Variants in RO60 observed in about 807,000 individuals in gnomAD.
RO60 encodes Ro60, Y RNA binding protein, also known as RNA-binding protein RO60.
A neutral mutation model predicts 55.3 loss-of-function variants in RO60; 20 were observed. That is an observed-to-expected ratio of 0.36 (90% CI 0.25 to 0.53). RO60 has a LOEUF of 0.53. Ranked by LOEUF, RO60 falls within the 20% of genes least tolerant of loss-of-function variation. RO60 has a pLI of 0.92. For synonymous variants in RO60, 213 were observed against 213.6 expected (o/e 1.00, Z 0.02); for missense variants, 558 against 646.6 (o/e 0.86, Z 1.49).
intron 1 of RO60, among the ~76,000 whole-genome samples, chr1:193,065,184 A>G (rs976362086): frequency 1.3e-5 from 2 of 152,240 alleles, no homozygotes; most frequent in African/African-American, 2.4e-5. Flanking sequence ...GTCAACTTTA[A>G]TGATATTTGG....
rs1041668920 is a variant in RO60 at position 193,084,949 on chromosome 1, T to C, written c.*218T>C. On this transcript the variant is annotated 3_prime_UTR_variant, in exon 9 of 9. Transcript: ENST00000400968. ...TCTTGGGGAAATAGCTTCAGGATAC[T>C]GTAGTTTCCTCTATCTAATAGAGAA... The C allele has an allele frequency of 2.6e-6, 4 of 1,535,376 alleles. No individual in the cohort carries two copies. The highest frequency in any genetic ancestry group is 3.5e-6 in the Non-Finnish European group (4 of 1,142,636).
At chr1:193,072,959 A>C (rs563755907) in intron 2 of RO60, among the ~76,000 whole-genome samples, 15 of 152,346 alleles carry the variant, frequency 9.8e-5, no homozygotes, top group African/African-American at 3.1e-4. Context: ...GAGAATCCCT[A>C]GCATTTCAAA....
chr1:193,080,826 A>AGTCTC (rs1491111818), intron 5 of RO60, among the ~76,000 whole-genome samples: 1 of 152,224 alleles, frequency 6.6e-6, no homozygotes, highest in Non-Finnish European at 1.5e-5. Flanking sequence ...TTATAGAGAC[A>AGTCTC]GAAAGTGGAA....
At chr1:193,068,402 TAAAG>T (rs1673260247) in intron 1 of RO60, among the ~76,000 whole-genome samples, 1 of 152,218 alleles carries the variant, frequency 6.6e-6, no homozygotes, top group East Asian at 1.9e-4. Flanking sequence ...CTTAGAGCAA[TAAAG>T]ATCCATCCCT....
At chr1:193,091,673 TA>T (rs1161443319), downstream of RO60, 5 of 1,612,092 alleles carry the variant, frequency 3.1e-6, 1 homozygote, top group South Asian at 5.5e-5. Flanking sequence ...CCCTACTAAA[TA>T]AATCATTTTA....
intron 1 of RO60, among the ~76,000 whole-genome samples, chr1:193,063,146 G>A (rs80008660): frequency 0.013 from 1,922 of 152,268 alleles, 40 homozygotes; most frequent in African/African-American, 0.043. Context: ...CCCACCAGCA[G>A]TATATGAGCG....
At position 193,091,035 on chromosome 1, in the gene RO60, G is replaced by T. The variant is rs1166834355; in HGVS notation, c.*6304G>T. 6.6e-6 allele frequency: 1 copy of T among 152,154 alleles called. No homozygotes were observed. Among genetic ancestry groups the T allele is most frequent in the Non-Finnish European group, 1.5e-5 (1 of 68,016 alleles). The allele number at this position is 152,154 out of a possible 1,614,324, so 9.4% of individuals were successfully genotyped here. On this transcript the variant is annotated 3_prime_UTR_variant, in exon 9 of 9. Transcript: ENST00000400968. Reference sequence around the variant, plus strand: ...CAGTAATATTTTATGATAGTTTAAGGTTTTTTATTGTTTTCTATAACAAGT... The same window carrying T: ...CAGTAATATTTTATGATAGTTTAAGTTTTTTTATTGTTTTCTATAACAAGT...
downstream of RO60, chr1:193,091,614 T>G (rs1443178951): frequency 3.2e-6 from 5 of 1,570,984 alleles, no homozygotes; most frequent in Admixed American, 3.4e-5. Flanking sequence ...TAAAACAGTT[T>G]TCACTGATAC....
rs1300694306 is a variant in RO60 at position 193,069,543 on chromosome 1, C to T, written c.489C>T (p.Ala163=). 3.1e-6 allele frequency: 5 copies of T among 1,614,108 alleles called. No individual in the cohort carries two copies. In the East Asian group the frequency reaches 6.7e-5, roughly 22 times the overall value. Residue 163 remains alanine, a synonymous_variant, in exon 2 of 9, where the codon GCC becomes GCT. Coordinates refer to ENST00000400968, the MANE Select transcript of RO60 (RefSeq NM_001173524.2). ...ADWYNEKGGM[A]LALAVTKYKQ... ...GGTACAATGAGAAAGGTGGCATGGC[C>T]CTTGCTCTGGCAGTTACAAAATATA...
intron 1 of RO60, chr1:193,060,232 T>G: frequency 3.1e-6 from 2 of 654,030 alleles, no homozygotes; most frequent in Non-Finnish European, 4.4e-6. Context: ...GGTTTGTCCA[T>G]GGGGCTGCTA....
At chr1:193,081,727 AT>A (rs1359200900) in intron 6 of RO60, among the ~76,000 whole-genome samples, 2 of 152,118 alleles carry the variant, frequency 1.3e-5, no homozygotes, top group East Asian at 1.9e-4. Context: ...ATATTAATGG[AT>A]TTTTTAGGAA....
rs754222477 is a variant in RO60 at position 193,075,955 on chromosome 1, G to A, written c.716G>A (p.Arg239Lys). The change falls in exon 3 of 9, where the codon AGA becomes AAA. Residue 239 changes from arginine (R) to lysine (K), a missense_variant. Physicochemically the swap from Arg to Lys is conservative, Grantham distance 26. Coordinates refer to ENST00000400968, the MANE Select transcript of RO60 (RefSeq NM_001173524.2). ...LEAVEKVKRT[R>K]DELEVIHLIE... The stretch of plus-strand genomic sequence containing the variant: ...GCTGTAGAGAAAGTGAAGCGCACAA[G>A]AGATGAGCTAGAAGTCATTCATCTA... The A allele has an allele frequency of 1.2e-6, 2 of 1,613,334 alleles. No homozygotes were observed. The highest frequency in any genetic ancestry group is 1.7e-6 in the Non-Finnish European group (2 of 1,179,588).
chr1:193,075,807 T>C lies in RO60; in HGVS notation c.581-13T>C. ...AATCCTGCATGCTTTTTCAATTCTT[T>C]ATCTTGTTAAAGGACTTGCAATTGT... On this transcript the variant is annotated splice_polypyrimidine_tract_variant and intron_variant, in intron 2 of 8. Transcript: ENST00000400968. 6.4e-7 allele frequency: 1 copy of C among 1,571,728 alleles called. No homozygotes were observed. Among genetic ancestry groups the C allele is most frequent in the South Asian group, 1.2e-5 (1 of 85,028 alleles).
intron 5 of RO60, among the ~76,000 whole-genome samples, chr1:193,080,893 G>A (rs953020296): frequency 1.3e-5 from 2 of 152,136 alleles, no homozygotes; most frequent in Admixed American, 6.5e-5. Flanking sequence ...TACCTAATTG[G>A]TACAAGTTCT....
In RO60 at chr1:193,059,853, T is replaced by G; in HGVS notation, c.-22+77T>G. On this transcript the variant is annotated intron_variant, in intron 1 of 8. Transcript: ENST00000400968. The surrounding 1 kb of genome is among the most constrained non-coding windows in gnomAD (Gnocchi z 4.9). ...CGCGCAAATTCTGACCAGTCCTCCATGTCTCTCACCCGCATCCCAGGGGTT... is the reference window on the plus strand; with the variant it reads ...CGCGCAAATTCTGACCAGTCCTCCAGGTCTCTCACCCGCATCCCAGGGGTT... 7.3e-7 allele frequency: 1 copy of G among 1,363,300 alleles called. No homozygotes were observed. The highest frequency in any genetic ancestry group is 1.1e-5 in the South Asian group (1 of 87,328). 84.5% of individuals were successfully genotyped at this position (1,363,300 alleles called of 1,614,324 possible).
At chr1:193,063,059 C>T (rs941007009) in intron 1 of RO60, among the ~76,000 whole-genome samples, 4 of 152,180 alleles carry the variant, frequency 2.6e-5, no homozygotes, top group African/African-American at 7.2e-5. Flanking sequence ...TAGAATTCCT[C>T]GGTCATATGC....
intron 2 of RO60, among the ~76,000 whole-genome samples, chr1:193,071,864 A>G (rs1462351829): frequency 2.0e-5 from 3 of 148,938 alleles, no homozygotes; most frequent in Non-Finnish European, 3.0e-5. Context: ...AATTATATGT[A>G]TGTATATATA....
At position 193,085,092 on chromosome 1, in the gene RO60, G is replaced by A. The variant is rs1031506154; in HGVS notation, c.*361G>A. The A allele has an allele frequency of 1.4e-6, 2 of 1,472,210 alleles. No individual in the cohort carries two copies. Among genetic ancestry groups the A allele is most frequent in the African/African-American group, 1.4e-5 (1 of 70,786 alleles). The allele number at this position is 1,472,210 out of a possible 1,614,324, so 91.2% of individuals were successfully genotyped here. On this transcript the variant is annotated 3_prime_UTR_variant, in exon 9 of 9. Coordinates refer to ENST00000400968, the MANE Select transcript of RO60 (RefSeq NM_001173524.2). ...TCATGTTACTTGAGAAGTGCTTAAC[G>A]TTTTCTTAAATGTTTTCATTGGGAA...
At chr1:193,075,460 A>G (rs1249975355) in intron 2 of RO60, among the ~76,000 whole-genome samples, 3 of 151,708 alleles carry the variant, frequency 2.0e-5, no homozygotes, top group Non-Finnish European at 4.4e-5. Context: ...ACATTACAAT[A>G]CAATACAATA....
Sources: allele counts gnomAD v4.1 joint callset (sites outside exome capture counted in the v4.1 genomes callset), GRCh38; gene constraint gnomAD v4.1.1; non-coding constraint Gnocchi (gnomAD v3.1); transcripts MANE v1.5; gene names NCBI Gene and HGNC (gene_info 2026-07-23, HGNC 2026-07-21).